TMEM161B: variants seen among roughly 807,000 people sequenced by gnomAD.
The protein encoded by TMEM161B is transmembrane protein 161B.
A neutral mutation model predicts 61.8 loss-of-function variants in TMEM161B; 34 were observed. The ratio of observed to expected loss-of-function variants is 0.55; its 90% CI spans 0.42 to 0.73. The LOEUF (loss-of-function observed/expected upper bound fraction) is 0.73, where lower values mean the gene tolerates loss of function less well. Among genes scored for constraint, TMEM161B ranks in the 30% least tolerant of loss-of-function variants. The pLI is 0.00. For missense variants in TMEM161B, 456 were observed against 558.5 expected (o/e 0.82, Z 1.85); for synonymous variants, 167 against 192.8 (o/e 0.87, Z 1.11).
intron 2 of TMEM161B, among the ~76,000 whole-genome samples, chr5:88,237,429 T>C (rs547151338): frequency 6.6e-6 from 1 of 152,196 alleles, no homozygotes; most frequent in East Asian, 1.9e-4. Flanking sequence ...GGAAGAAGGA[T>C]AGCTCAGAGG....
intron 11 of TMEM161B, among the ~76,000 whole-genome samples, chr5:88,197,258 T>C (rs1015883328): frequency 2.0e-5 from 3 of 152,172 alleles, no homozygotes; most frequent in Non-Finnish European, 2.9e-5. Context: ...ACCGTTTCGA[T>C]GTAAGTTATC....
At chr5:88,206,971 A>G in intron 6 of TMEM161B, 58 bp downstream of exon 6, 1 of 1,514,160 alleles carries the variant, frequency 6.6e-7, no homozygotes, top group South Asian at 1.2e-5. Flanking sequence ...TACTGAAGTC[A>G]AAAATATTAA....
At position 88,197,864 on chromosome 5, in the gene TMEM161B, T is replaced by C. The variant is rs1051673056; in HGVS notation, c.1090-99A>G. Reference sequence around the variant, plus strand: ...CCATACCAAAATACTTAAGAGATAATCCTTTCACAAGAAGGAAGCTAAATG... The same window carrying C: ...CCATACCAAAATACTTAAGAGATAACCCTTTCACAAGAAGGAAGCTAAATG... On this transcript the variant is annotated intron_variant, in intron 10 of 11. Transcript: ENST00000296595. 14 of 947,324 alleles carry C rather than the reference T, an allele frequency of 1.5e-5. No homozygotes were observed. The African/African-American group carries it at 2.0e-4, about 14-fold the overall frequency. The allele number at this position is 947,324 out of a possible 1,614,324, so 58.7% of individuals were successfully genotyped here. A position where few individuals can be genotyped will look rare whatever the true frequency, so the allele number is the denominator to read the frequency against.
chr5:88,204,561 T>C (rs903987838), intron 8 of TMEM161B, among the ~76,000 whole-genome samples: 10 of 152,152 alleles, frequency 6.6e-5, no homozygotes, highest in Admixed American at 6.6e-4. Context: ...CCACAGCGGT[T>C]TCAGTAGCTT....
intron 5 of TMEM161B, among the ~76,000 whole-genome samples, chr5:88,211,250 C>T (rs184826): frequency 0.86 from 130,080 of 151,568 alleles, 55,856 homozygotes; most frequent in Non-Finnish European, 0.88. Context: ...TATAACTATA[C>T]ATACAGAAAC....
intron 1 of TMEM161B, 139 bp downstream of exon 1, chr5:88,268,582 T>A (rs937828009): frequency 8.8e-7 from 1 of 1,132,602 alleles, no homozygotes; most frequent in Non-Finnish European, 1.3e-6. Flanking sequence ...CTGAGATAGG[T>A]GGTGGGTCCT....
intron 1 of TMEM161B, among the ~76,000 whole-genome samples, chr5:88,263,442 T>C (rs1281149546): frequency 6.6e-6 from 1 of 152,186 alleles, no homozygotes. Context: ...AGAACTTTTT[T>C]TAAAGTTTGG....
At chr5:88,190,431 A>G (rs1054941687), downstream of TMEM161B, among the ~76,000 whole-genome samples, 1 of 151,916 alleles carries the variant, frequency 6.6e-6, no homozygotes, top group Non-Finnish European at 1.5e-5. Flanking sequence ...CTACTCTCCC[A>G]TCTAGTAACC....
In TMEM161B at chr5:88,224,959, G is replaced by GTTTTTTTTTTTTTTTTTTTTTTTTTTTTT. The variant is rs202011902; in HGVS notation, c.289+809_289+810insAAAAAAAAAAAAAAAAAAAAAAAAAAAAA. On this transcript the variant is annotated intron_variant, in intron 4 of 11. Transcript: ENST00000296595. The stretch of plus-strand genomic sequence containing the variant: ...ATAATACACATAACACACAAAATAT[G>GTTTTTTTTTTTTTTTTTTTTTTTTTTTTT]TTTTTGTTTTTTTTTTTTTTTTTTT... Among the ~76,000 whole-genome samples, 2 of 101,202 alleles carry GTTTTTTTTTTTTTTTTTTTTTTTTTTTTT rather than the reference G, an allele frequency of 2.0e-5. 1 individual carries two copies. Among genetic ancestry groups the GTTTTTTTTTTTTTTTTTTTTTTTTTTTTT allele is most frequent in the Non-Finnish European group, 3.8e-5 (2 of 52,286 alleles). 66.4% of individuals were successfully genotyped at this position (101,202 alleles called of 152,430 possible). A position where few individuals can be genotyped will look rare whatever the true frequency, so the allele number is the denominator to read the frequency against.
intron 2 of TMEM161B, among the ~76,000 whole-genome samples, chr5:88,231,255 G>T (rs1164883398): frequency 6.6e-6 from 1 of 152,140 alleles, no homozygotes; most frequent in Non-Finnish European, 1.5e-5. Context: ...GGGGATCATG[G>T]GAATCCTCAA....
intron 5 of TMEM161B, among the ~76,000 whole-genome samples, chr5:88,207,425 C>T (rs182987051): frequency 1.3e-5 from 2 of 152,130 alleles, no homozygotes; most frequent in African/African-American, 4.8e-5. Context: ...AGTATGTTCT[C>T]AGTGACATGA....
chr5:88,190,993 T>C (rs754268689), downstream of TMEM161B, among the ~76,000 whole-genome samples: 4 of 152,190 alleles, frequency 2.6e-5, no homozygotes, highest in Non-Finnish European at 5.9e-5. Context: ...TTTTCCATTG[T>C]TATTGTGAAC....
intron 2 of TMEM161B, among the ~76,000 whole-genome samples, chr5:88,240,062 A>T (rs10041820): frequency 0.079 from 12,055 of 151,760 alleles, 671 homozygotes; most frequent in Middle Eastern, 0.21. Context: ...CTGTATCTAT[A>T]CCTATACTTT....
chr5:88,216,115 G>A (rs1747782097), intron 5 of TMEM161B, among the ~76,000 whole-genome samples: 1 of 152,132 alleles, frequency 6.6e-6, no homozygotes, highest in Admixed American at 6.5e-5. Flanking sequence ...AATTAGCTGG[G>A]TGAAACTGCA....
chr5:88,219,064 A>G (rs1330586090), intron 5 of TMEM161B, among the ~76,000 whole-genome samples: 1 of 152,160 alleles, frequency 6.6e-6, no homozygotes, highest in Non-Finnish European at 1.5e-5. Context: ...AGGTCAACCA[A>G]TCTAGACTGG....
chr5:88,268,319 G>A lies in TMEM161B; in HGVS notation c.3+402C>T, dbSNP rs151053290. Among the ~76,000 whole-genome samples the A allele has an allele frequency of 1.7e-3, 265 of 152,326 alleles. 1 individual carries two copies. Among genetic ancestry groups the A allele is most frequent in the Admixed American group, 3.3e-3 (50 of 15,308 alleles). On this transcript the variant is annotated intron_variant, in intron 1 of 11. Coordinates refer to ENST00000296595, the MANE Select transcript of TMEM161B (RefSeq NM_153354.5). ...AGGAGACCCGTTGTGTCCACCTGGA[G>A]AGGCTAAAAGCATTTCTAAGATCTG...
Position 88,268,777 on chromosome 5 carries a change from A to C in TMEM161B, c.-54T>G, listed in dbSNP as rs963502611. 2 of 1,613,584 alleles carry C rather than the reference A, an allele frequency of 1.2e-6. No individual in the cohort carries two copies. Among genetic ancestry groups the C allele is most frequent in the Non-Finnish European group, 1.7e-6 (2 of 1,179,720 alleles). On this transcript the variant is annotated 5_prime_UTR_variant, in exon 1 of 12. Transcript: ENST00000296595. ...ACCCTGGAGTTGCCGGGGCAGTCCC[A>C]AACCTCTTACCTCCCGGTCCTTGAG... is the stretch of plus-strand genomic sequence containing the variant.
chr5:88,206,381 CT>C (rs1745469478), intron 7 of TMEM161B, 57 bp downstream of exon 7: 1 of 1,382,106 alleles, frequency 7.2e-7, no homozygotes, highest in Non-Finnish European at 9.9e-7. Flanking sequence ...GTAAATACTG[CT>C]TTATTAAAAA....
At position 88,202,925 on chromosome 5, in the gene TMEM161B, T is replaced by C. The variant is rs754331725; in HGVS notation, c.914+37A>G. The C allele has an allele frequency of 7.7e-6, 10 of 1,298,064 alleles. No homozygotes were observed. In the South Asian group the frequency reaches 1.1e-4, roughly 14 times the overall value. The allele number at this position is 1,298,064 out of a possible 1,614,324, so 80.4% of individuals were successfully genotyped here. Reference sequence around the variant, plus strand: ...TAAATAACATTTAGTAAAGCAGTTTTGGTGATAAAAATCAGCCCTCAAATG... The same window carrying C: ...TAAATAACATTTAGTAAAGCAGTTTCGGTGATAAAAATCAGCCCTCAAATG... On this transcript the variant is annotated intron_variant, in intron 9 of 11. Transcript: ENST00000296595.
Sources: allele counts gnomAD v4.1 joint callset (sites outside exome capture counted in the v4.1 genomes callset), GRCh38; gene constraint gnomAD v4.1.1; transcripts MANE v1.5; gene names NCBI Gene and HGNC (gene_info 2026-07-23, HGNC 2026-07-21).